PTPRM: variants seen among roughly 807,000 people sequenced by gnomAD.
PTPRM encodes protein tyrosine phosphatase receptor type M.
In PTPRM, 47 loss-of-function variants were observed where a neutral mutation model predicts 186.7. The ratio of observed to expected loss-of-function variants is 0.25; its 90% CI spans 0.20 to 0.32. PTPRM has a LOEUF of 0.32. PTPRM is among the 10% of genes least tolerant of loss of function. PTPRM has a pLI of 1.00. For synonymous variants in PTPRM, 668 were observed against 674.9 expected, an observed-to-expected ratio of 0.99 and a Z score of 0.16; for missense variants, 1,494 against 1,865.0, an observed-to-expected ratio of 0.80 and a Z score of 3.66.
At chr18:8,150,544 G>A (rs969324291) in intron 14 of PTPRM, among the ~76,000 whole-genome samples, 5 of 152,036 alleles carry the variant, frequency 3.3e-5, no homozygotes, top group Admixed American at 3.3e-4. Flanking sequence ...TTAGCAATTT[G>A]TCTAACCTTT....
At chr18:7,648,866 A>G (rs980821997) in intron 1 of PTPRM, among the ~76,000 whole-genome samples, 1 of 152,238 alleles carries the variant, frequency 6.6e-6, no homozygotes, top group African/African-American at 2.4e-5. Context: ...TCTGGCTGAG[A>G]TAATTGATGA....
intron 7 of PTPRM, among the ~76,000 whole-genome samples, chr18:8,019,880 A>G (rs938439393): frequency 6.6e-6 from 1 of 150,796 alleles, no homozygotes; most frequent in Non-Finnish European, 1.5e-5. Flanking sequence ...ATTTAACCCA[A>G]CGCTCTTGGG....
intron 2 of PTPRM, among the ~76,000 whole-genome samples, chr18:7,796,202 A>G (rs1354136303): frequency 6.6e-6 from 1 of 151,942 alleles, no homozygotes; most frequent in South Asian, 2.1e-4. Flanking sequence ...GTAAATACAC[A>G]TTAACGGATG....
intron 20 of PTPRM, among the ~76,000 whole-genome samples, chr18:8,308,192 G>C (rs539377951): frequency 6.6e-6 from 1 of 152,322 alleles, no homozygotes; most frequent in South Asian, 2.1e-4. Flanking sequence ...AAACAGAAGA[G>C]GTTCAGAGAG....
chr18:8,104,653 G>A (rs1395671380), intron 11 of PTPRM, among the ~76,000 whole-genome samples: 1 of 152,000 alleles, frequency 6.6e-6, no homozygotes, highest in Non-Finnish European at 1.5e-5. Context: ...TCACTATCTT[G>A]CACAAGTTGG....
chr18:7,765,292 G>A (rs1032795254), intron 1 of PTPRM, among the ~76,000 whole-genome samples: 2 of 152,076 alleles, frequency 1.3e-5, no homozygotes, highest in Non-Finnish European at 2.9e-5. Flanking sequence ...TATATCCATC[G>A]GCAAATAGCA....
At chr18:8,263,126 C>G (rs1045518309) in intron 19 of PTPRM, among the ~76,000 whole-genome samples, 1 of 150,798 alleles carries the variant, frequency 6.6e-6, no homozygotes, top group African/African-American at 2.4e-5. Context: ...TTTTTTTTTT[C>G]AAGGTGGAGT....
At chr18:7,989,967 G>A (rs2083176199) in intron 7 of PTPRM, among the ~76,000 whole-genome samples, 1 of 152,118 alleles carries the variant, frequency 6.6e-6, no homozygotes. Flanking sequence ...GCAATGGCAC[G>A]ATTTCGGCTC....
intron 1 of PTPRM, among the ~76,000 whole-genome samples, chr18:7,696,564 G>A (rs1266242436): frequency 1.3e-5 from 2 of 152,106 alleles, no homozygotes; most frequent in Non-Finnish European, 2.9e-5. Context: ...GAAAACTTAT[G>A]TGCATTCTGA....
chr18:7,924,862 G>A (rs2051079040), intron 4 of PTPRM, among the ~76,000 whole-genome samples: 1 of 152,180 alleles, frequency 6.6e-6, no homozygotes, highest in Admixed American at 6.5e-5. Flanking sequence ...ATAAGGAAAG[G>A]CACAGATGGT....
intron 13 of PTPRM, among the ~76,000 whole-genome samples, chr18:8,125,485 A>G (rs1027442309): frequency 6.6e-6 from 1 of 152,144 alleles, no homozygotes; most frequent in African/African-American, 2.4e-5. Flanking sequence ...CTCACTGCAA[A>G]CATAAGATAT....
intron 1 of PTPRM, among the ~76,000 whole-genome samples, chr18:7,595,378 G>A (rs537358630): frequency 1.3e-5 from 2 of 152,238 alleles, no homozygotes; most frequent in South Asian, 2.1e-4. Context: ...TGCAAAATGC[G>A]CCTCTAGGTA....
At chr18:8,011,681 C>A (rs890185417) in intron 7 of PTPRM, among the ~76,000 whole-genome samples, 2 of 152,206 alleles carry the variant, frequency 1.3e-5, no homozygotes, top group Non-Finnish European at 2.9e-5. Flanking sequence ...TTCACCCTTG[C>A]AGCTATTAGG....
rs1300573371 is a variant in PTPRM, at chr18:7,960,480, T to TATATATATATATATACAC, written c.1132+5067_1132+5068insTATATATATATATACACA. Among the ~76,000 whole-genome samples the TATATATATATATATACAC allele has an allele frequency of 2.3e-3, 201 of 86,484 alleles. 1 individual carries two copies. Among genetic ancestry groups the TATATATATATATATACAC allele is most frequent in the African/African-American group, 8.5e-3 (194 of 22,808 alleles). The allele number at this position is 86,484 out of a possible 152,430, so 56.7% of individuals were successfully genotyped here. ...ATATATATATATATATATATATATA[T>TATATATATATATATACAC]ACACACACACACACACACACACACA... On this transcript the variant is annotated intron_variant, in intron 7 of 32. Transcript: ENST00000580170.
intron 7 of PTPRM, among the ~76,000 whole-genome samples, chr18:7,995,041 T>G (rs1207759191): frequency 6.6e-6 from 1 of 151,872 alleles, no homozygotes; most frequent in East Asian, 1.9e-4. Context: ...ACTTTGGTTT[T>G]CTGAAAAGAT....
In PTPRM at chr18:8,088,738, T is replaced by G. The variant is rs1393083499; in HGVS notation, c.1754-11T>G. Reference sequence around the variant, plus strand: ...AATAATGAGTCTCCCATTCTACGCCTTTTTCCCCAGCACCCTCTATGCCAG... The same window carrying G: ...AATAATGAGTCTCCCATTCTACGCCGTTTTCCCCAGCACCCTCTATGCCAG... On this transcript the variant is annotated splice_polypyrimidine_tract_variant and intron_variant, in intron 10 of 32. Transcript: ENST00000580170. 2 of 1,572,086 alleles carry G rather than the reference T, an allele frequency of 1.3e-6. No individual in the cohort carries two copies. The highest frequency in any genetic ancestry group is 1.7e-5 in the Admixed American group (1 of 59,362).
Position 8,394,802 on chromosome 18 carries a change from C to A in PTPRM, c.4344+191C>A, listed in dbSNP as rs111936071. Among the ~76,000 whole-genome samples, 397 of 152,296 alleles carry A rather than the reference C, an allele frequency of 2.6e-3. 1 individual carries two copies. The highest frequency in any genetic ancestry group is 9.2e-3 in the African/African-American group (381 of 41,570). The stretch of plus-strand genomic sequence containing the variant: ...CCTCTTCCTCTCTTTGTTCTTCACA[C>A]GGAGACTTTGTCTCCAGCTCATTCG... On this transcript the variant is annotated intron_variant, in intron 32 of 32. Coordinates refer to ENST00000580170, the MANE Select transcript of PTPRM (RefSeq NM_001105244.2).
intron 1 of PTPRM, among the ~76,000 whole-genome samples, chr18:7,633,902 G>C (rs1489312614): frequency 6.6e-6 from 1 of 151,940 alleles, no homozygotes; most frequent in African/African-American, 2.4e-5. Context: ...TCTTCCCTAG[G>C]ACTTTCCCCT....
At chr18:7,888,519 A>C in intron 3 of PTPRM, 142 bp downstream of exon 3, 1 of 968,408 alleles carries the variant, frequency 1.0e-6, no homozygotes, top group Non-Finnish European at 1.5e-6. Flanking sequence ...CTCATCCTAT[A>C]CTGTTGGTGG....
Sources: gnomAD v4.1 joint callset for allele counts (sites outside exome capture counted in the v4.1 genomes callset) on GRCh38, gnomAD v4.1.1 for gene constraint, MANE v1.5 for transcripts, NCBI Gene and HGNC (gene_info 2026-07-23, HGNC 2026-07-21) for gene names.